The following CYP26C1 variants were observed in gnomAD, a reference collection of about 807,000 sequenced individuals.
CYP26C1 encodes cytochrome P450 family 26 subfamily C member 1.
Under a neutral mutation model 39.1 loss-of-function variants are expected in CYP26C1, and 41 were observed. The ratio of observed to expected loss-of-function variants is 1.05; its 90% CI spans 0.82 to 1.36. CYP26C1 has a LOEUF of 1.36. Among genes scored for constraint, CYP26C1 ranks in the 40% most tolerant of loss-of-function variants. CYP26C1 has a pLI of 0.00. For synonymous variants in CYP26C1, 362 were observed against 350.8 expected (o/e 1.03, Z -0.36); for missense variants, 833 against 752.0 (o/e 1.11, Z -1.26).
At chr10:93,062,443 TC>T (rs1473210729) in intron 2 of CYP26C1, among the ~76,000 whole-genome samples, 3 of 152,178 alleles carry the variant, frequency 2.0e-5, no homozygotes, top group Non-Finnish European at 4.4e-5. Flanking sequence ...TCTCCCATCT[TC>T]CGTGGCTGTG....
In CYP26C1 at chr10:93,066,246, CG is replaced by C; in HGVS notation, c.1157del (p.Gly386AlafsTer22). On this transcript the variant is annotated frameshift_variant, in exon 5 of 6. Coordinates refer to ENST00000651965, the MANE Select transcript of CYP26C1 (RefSeq NM_183374.3). LOFTEE classifies it high-confidence loss of function. ...TGCTGCGCCTCCTGCCGCCAGTGTC[CG>C]GGGGCTACCGCACCGCCCTGCGCAC... ...EVLRLLPPVS[G>X]GYRTALRTFE... 7 of 1,465,664 alleles carry C rather than the reference CG, an allele frequency of 4.8e-6. No homozygotes were observed. Among genetic ancestry groups the C allele is most frequent in the Middle Eastern group, 2.2e-4 (1 of 4,492 alleles). The allele number at this position is 1,465,664 out of a possible 1,614,324, so 90.8% of individuals were successfully genotyped here.
At position 93,061,311 on chromosome 10, in the gene CYP26C1, C is replaced by T. The variant is rs750509487; in HGVS notation, c.48C>T (p.Gly16=). ...GCCTGTCAGTGCTGGGGGCGGCGGG[C>T]ACTGCTCTCCTGTGCGCGGGCCTGC... ...LSCLSVLGAA[G]TALLCAGLLL... The change falls in exon 1 of 6, where the codon GGC becomes GGT. Residue 16 remains glycine, a synonymous_variant. Transcript: ENST00000651965. 1 of 1,596,552 alleles carries T rather than the reference C, an allele frequency of 6.3e-7. No homozygotes were observed. Among genetic ancestry groups the T allele is most frequent in the Non-Finnish European group, 8.5e-7 (1 of 1,172,742 alleles).
chr10:93,067,387 T>C (rs750176983), intron 5 of CYP26C1, among the ~76,000 whole-genome samples: 5 of 152,206 alleles, frequency 3.3e-5, no homozygotes, highest in Admixed American at 1.3e-4. Context: ...AAGGTGGATG[T>C]TGAGAAGTGT....
In CYP26C1 at chr10:93,060,897, C is replaced by G. The variant is rs1016254924; in HGVS notation, c.-367C>G. 2 of 290,566 alleles carry G rather than the reference C, an allele frequency of 6.9e-6. No homozygotes were observed. The highest frequency in any genetic ancestry group is 1.3e-5 in the Non-Finnish European group (2 of 156,324). 18.0% of individuals were successfully genotyped at this position (290,566 alleles called of 1,614,324 possible). On this transcript the variant is annotated 5_prime_UTR_variant, in exon 1 of 6. Transcript: ENST00000651965. ...CTTCTTTCGCCCTCCTTCCCTTCTT[C>G]TATCCAAAGGGTGCTGAGCCCGGGA...
chr10:93,062,815 G>T lies in CYP26C1; in HGVS notation c.525G>T (p.Ala175=), dbSNP rs369685919. 4.5e-6 allele frequency: 7 copies of T among 1,560,260 alleles called. No individual in the cohort carries two copies. The highest frequency in any genetic ancestry group is 1.4e-5 in the African/African-American group (1 of 73,448). The change falls in exon 3 of 6, where the codon GCG becomes GCT. Residue 175 remains alanine (A), a synonymous_variant. Coordinates refer to ENST00000651965, the MANE Select transcript of CYP26C1 (RefSeq NM_183374.3). ...LRHEVRSWCA[A]GGPVSVYDAS... ...ATGAGGTGCGCTCCTGGTGCGCGGC[G>T]GGCGGGCCGGTCTCAGTCTACGACG... is the stretch of plus-strand genomic sequence containing the variant.
At chr10:93,068,170 AAC>A in intron 5 of CYP26C1, 148 bp from the exon 6 acceptor site, 4 of 952,550 alleles carry the variant, frequency 4.2e-6, no homozygotes, top group Non-Finnish European at 5.9e-6. Flanking sequence ...TTGAGATTGG[AAC>A]ACAGAGCTTT....
At chr10:93,061,703 A>C (rs1846751729) in intron 1 of CYP26C1, among the ~76,000 whole-genome samples, 1 of 152,122 alleles carries the variant, frequency 6.6e-6, no homozygotes, top group African/African-American at 2.4e-5. Context: ...GGGGGTAAAC[A>C]TAAGGGGTTT....
Position 93,061,130 on chromosome 10 carries a change from AATCTCGGGCTTTGCC to A in CYP26C1, c.-133_-119del. The stretch of plus-strand genomic sequence containing the variant: ...AACAGAGTTCTGGCCTGAGCTTATA[AATCTCGGGCTTTGCC>A]CCCAAACCCCAGGCCTTTTGCGGAC... On this transcript the variant is annotated 5_prime_UTR_variant, in exon 1 of 6. Coordinates refer to ENST00000651965, the MANE Select transcript of CYP26C1 (RefSeq NM_183374.3). The A allele has an allele frequency of 1.1e-6, 1 of 882,212 alleles. No individual in the cohort carries two copies. Among genetic ancestry groups the A allele is most frequent in the South Asian group, 1.6e-5 (1 of 62,992 alleles). 54.6% of individuals were successfully genotyped at this position (882,212 alleles called of 1,614,324 possible).
rs541577582 is a variant in CYP26C1 at position 93,068,434 on chromosome 10, G to A, written c.1306G>A (p.Ala436Thr). 2.5e-6 allele frequency: 4 copies of A among 1,612,112 alleles called. No individual in the cohort carries two copies. The highest frequency in any genetic ancestry group is 3.4e-6 in the Non-Finnish European group (4 of 1,179,608). ...EGFDPERFGA[A>T]REDSRGASSR... ...CTTCGATCCAGAGCGCTTCGGCGCA[G>A]CGCGCGAAGATTCCCGGGGCGCCTC... The change falls in exon 6 of 6, where the codon GCG becomes ACG. Residue 436 changes from alanine (A) to threonine (T), a missense_variant. By Grantham distance (58) the Ala-to-Thr change is moderately conservative. Transcript: ENST00000651965.
At position 93,062,765 on chromosome 10, in the gene CYP26C1, C is replaced by A; in HGVS notation, c.475C>A (p.Pro159Thr). The A allele has an allele frequency of 1.3e-6, 2 of 1,504,858 alleles. No individual in the cohort carries two copies. The highest frequency in any genetic ancestry group is 2.1e-5 in the Admixed American group (1 of 46,946). The allele number at this position is 1,504,858 out of a possible 1,614,324, so 93.2% of individuals were successfully genotyped here. The change falls in exon 3 of 6, where the codon CCG becomes ACG. Residue 159 changes from proline to threonine, a missense_variant. Physicochemically the swap from Pro to Thr is conservative, Grantham distance 38 (BLOSUM62 -1). Coordinates refer to ENST00000651965, the MANE Select transcript of CYP26C1 (RefSeq NM_183374.3). ...CCGCGCCGCGCTGGAGCGCTACGTG[C>A]CGCGCCTGCAGGGGGCGCTGCGGCA... is the stretch of plus-strand genomic sequence containing the variant. Reference protein sequence around the residue: ...FSRAALERYVPRLQGALRHEV... With the variant: ...FSRAALERYVTRLQGALRHEV...
At chr10:93,063,068 A>G in intron 3 of CYP26C1, 73 bp downstream of exon 3, 1 of 1,483,896 alleles carries the variant, frequency 6.7e-7, no homozygotes, top group Non-Finnish European at 8.9e-7. Flanking sequence ...CCCAGACGGG[A>G]CGCCCTCGGC....
rs778092505 is a variant in CYP26C1, at chr10:93,068,337, G to A, written c.1209G>A (p.Lys403=). The A allele has an allele frequency of 6.5e-7, 1 of 1,530,948 alleles. No individual in the cohort carries two copies. Among genetic ancestry groups the A allele is most frequent in the Non-Finnish European group, 8.8e-7 (1 of 1,141,408 alleles). 94.8% of individuals were successfully genotyped at this position (1,530,948 alleles called of 1,614,324 possible). ...TFELDGYQIP[K]GWSVMYSIRD... is the part of the protein sequence containing the mutation. Reference sequence around the variant, plus strand: ...CTCTGCAGGGCTACCAGATCCCCAAGGGCTGGAGCGTGATGTATAGCATCC... The same window carrying A: ...CTCTGCAGGGCTACCAGATCCCCAAAGGCTGGAGCGTGATGTATAGCATCC... Residue 403 remains lysine, a synonymous_variant, in exon 6 of 6, where the codon AAG becomes AAA. Coordinates refer to ENST00000651965, the MANE Select transcript of CYP26C1 (RefSeq NM_183374.3).
chr10:93,069,158 C>G lies in CYP26C1; in HGVS notation c.*461C>G, dbSNP rs984700331. 5 of 154,538 alleles carry G rather than the reference C, an allele frequency of 3.2e-5. No homozygotes were observed. The East Asian group carries it at 9.6e-4, about 30-fold the overall frequency. 9.6% of individuals were successfully genotyped at this position (154,538 alleles called of 1,614,324 possible). A position where few individuals can be genotyped will look rare whatever the true frequency, so the allele number is the denominator to read the frequency against. Reference sequence around the variant, plus strand: ...TGCAACCCTTGTAAGGAAGCGGGCACGCCGTGGGCGCAACCCTGGCCTGGC... The same window carrying G: ...TGCAACCCTTGTAAGGAAGCGGGCAGGCCGTGGGCGCAACCCTGGCCTGGC... On this transcript the variant is annotated 3_prime_UTR_variant, in exon 6 of 6. Coordinates refer to ENST00000651965, the MANE Select transcript of CYP26C1 (RefSeq NM_183374.3).
intron 4 of CYP26C1, chr10:93,064,783 T>G: frequency 1.7e-6 from 2 of 1,196,708 alleles, no homozygotes; most frequent in Non-Finnish European, 2.1e-6. Flanking sequence ...TAGGCCCATC[T>G]TTGCAGGTTT....
At position 93,064,629 on chromosome 10, in the gene CYP26C1, G is replaced by T. The variant is rs1846800011; in HGVS notation, c.861+93G>T. On this transcript the variant is annotated intron_variant, in intron 4 of 5. Coordinates refer to ENST00000651965, the MANE Select transcript of CYP26C1 (RefSeq NM_183374.3). ...CATCCCCAGAGCCACATCTTGTGTG[G>T]CCCCACTTTGAGGCACAGGCAGTCC... 10 of 1,516,370 alleles carry T rather than the reference G, an allele frequency of 6.6e-6. No individual in the cohort carries two copies. The South Asian group carries it at 1.1e-4, about 16-fold the overall frequency. 93.9% of individuals were successfully genotyped at this position (1,516,370 alleles called of 1,614,324 possible).
chr10:93,066,334 TGCC>T (rs1473323712), intron 5 of CYP26C1, 49 bp downstream of exon 5: 1 of 1,227,344 alleles, frequency 8.1e-7, no homozygotes, highest in Non-Finnish European at 1.0e-6. Flanking sequence ...TCCTGCCGCC[TGCC>T]GCCTGCCGCC....
At chr10:93,064,730 C>A in intron 4 of CYP26C1, 194 bp downstream of exon 4, 1 of 1,330,326 alleles carries the variant, frequency 7.5e-7, no homozygotes, top group Non-Finnish European at 9.6e-7. Flanking sequence ...AGCCTTCAGC[C>A]TCCAGCCAGC....
At position 93,061,428 on chromosome 10, in the gene CYP26C1, G is replaced by T. The variant is rs765707392; in HGVS notation, c.165G>T (p.Gly55=). The part of the protein sequence containing the change: ...STLPLPKGSM[G]WPFFGETLHW... ...TGCCTCTGCCCAAGGGCTCCATGGG[G>T]TGGCCCTTCTTCGGCGAAACGCTGC... Residue 55 remains glycine, a synonymous_variant, in exon 1 of 6, where the codon GGG becomes GGT. Transcript: ENST00000651965. The T allele has an allele frequency of 2.6e-6, 4 of 1,556,578 alleles. No homozygotes were observed. In the South Asian group the frequency reaches 3.5e-5, roughly 14 times the overall value.
At position 93,062,671 on chromosome 10, in the gene CYP26C1, G is replaced by A; in HGVS notation, c.430-49G>A. ...CTTCTGGCTACTCCGGAATCGCCAA[G>A]CAGATGAGGCCAGACCGCCGCCAGC... is the stretch of plus-strand genomic sequence containing the variant. On this transcript the variant is annotated intron_variant, in intron 2 of 5. Transcript: ENST00000651965. The A allele has an allele frequency of 2.2e-6, 3 of 1,368,224 alleles. No homozygotes were observed. In the South Asian group the frequency reaches 5.1e-5, roughly 23 times the overall value. 84.8% of individuals were successfully genotyped at this position (1,368,224 alleles called of 1,614,324 possible).
Sources: gnomAD v4.1 joint callset for allele counts (sites outside exome capture counted in the v4.1 genomes callset) on GRCh38, gnomAD v4.1.1 for gene constraint, MANE v1.5 for transcripts, NCBI Gene and HGNC (gene_info 2026-07-23, HGNC 2026-07-21) for gene names.